The following POLN variants were observed in gnomAD, a reference collection of about 807,000 sequenced individuals.
The protein encoded by POLN is DNA polymerase N.
POLN carries 108 observed loss-of-function variants against 113.5 expected under a neutral mutation model. That is an observed-to-expected ratio of 0.95 (90% CI 0.81 to 1.12). The LOEUF (loss-of-function observed/expected upper bound fraction) is 1.12. Ranked by LOEUF, POLN falls within the 50% of genes most tolerant of loss-of-function variation. The probability of loss-of-function intolerance (pLI) is 0.00; values close to 1 mark genes in which losing one functional copy is unlikely to be tolerated. For synonymous variants in POLN, 386 were observed against 391.5 expected (o/e 0.99, Z 0.17); for missense variants, 1,097 against 1,077.1 (o/e 1.02, Z -0.26).
Position 2,171,172 on chromosome 4 carries a change from T to C in POLN, c.1384A>G (p.Lys462Glu). ...KTSALLGARL[K>E]ELEQEAHFVA... ...AAATGAGCTTCTTGCTCCAATTCCT[T>C]GAGACGAGCCTGAAAATATGATACA... Residue 462 changes from lysine (K) to glutamate (E), a missense_variant, in exon 12 of 26, where the codon AAG becomes GAG. Physicochemically the swap from Lys to Glu is moderately conservative, Grantham distance 56. Coordinates refer to ENST00000511885, the MANE Select transcript of POLN (RefSeq NM_181808.4). 2 of 1,612,946 alleles carry C rather than the reference T, an allele frequency of 1.2e-6. No individual in the cohort carries two copies. Among genetic ancestry groups the C allele is most frequent in the Non-Finnish European group, 1.7e-6 (2 of 1,179,458 alleles).
At chr4:2,157,784 A>G in intron 15 of POLN, 74 bp downstream of exon 15, 1 of 834,564 alleles carries the variant, frequency 1.2e-6, no homozygotes, top group Non-Finnish European at 1.8e-6. Flanking sequence ...TAAAATTACA[A>G]AGGTTCTATA....
chr4:2,093,738 C>G lies in POLN; in HGVS notation c.2065+2113G>C, dbSNP rs958645785. 6.6e-6 allele frequency among the ~76,000 whole-genome samples: 1 copy of G among 152,166 alleles called. No homozygotes were observed. Among genetic ancestry groups the G allele is most frequent in the East Asian group, 1.9e-4 (1 of 5,192 alleles). On this transcript the variant is annotated intron_variant, in intron 20 of 25. Coordinates refer to ENST00000511885, the MANE Select transcript of POLN (RefSeq NM_181808.4). The surrounding 1 kb of genome is among the most constrained non-coding windows in gnomAD (Gnocchi z 4.1). ...AGAGGAGGCAGTGGACCAAGCAACT[C>G]TGAGGAGAATCAATCCAATGTCACA... is the stretch of plus-strand genomic sequence containing the variant.
intron 13 of POLN, among the ~76,000 whole-genome samples, chr4:2,166,446 TATA>T (rs1240254208): frequency 6.6e-6 from 1 of 152,184 alleles, no homozygotes; most frequent in Non-Finnish European, 1.5e-5. Flanking sequence ...GGATGGTTCT[TATA>T]ATATCTAATT....
intron 9 of POLN, among the ~76,000 whole-genome samples, chr4:2,175,214 C>A (rs893929925): frequency 1.3e-5 from 2 of 152,156 alleles, no homozygotes; most frequent in Middle Eastern, 3.2e-3. Flanking sequence ...CTCTTACTTG[C>A]TCTTCCTAAT....
intron 20 of POLN, chr4:2,089,300 A>G (rs1368413346): frequency 5.0e-6 from 7 of 1,400,632 alleles, no homozygotes; most frequent in South Asian, 2.5e-5. Flanking sequence ...GGAAATGCCA[A>G]TGACAACATA....
chr4:2,198,652 G>A lies in POLN; in HGVS notation c.780C>T (p.Gly260=). 6.2e-7 allele frequency: 1 copy of A among 1,613,728 alleles called. No individual in the cohort carries two copies. The highest frequency in any genetic ancestry group is 1.1e-5 in the South Asian group (1 of 91,024). Residue 260 remains glycine (G), a synonymous_variant, in exon 6 of 26, where the codon GGC becomes GGT. Transcript: ENST00000511885. ...GACCACAGGCCGGGGCATCTGGACA[G>A]CCATGGCCACCCTCTGCTTGGCGTT... ...LVKRQAEGGH[G]CPDAPACGPV...
chr4:2,108,495 T>C (rs942334425), intron 19 of POLN, among the ~76,000 whole-genome samples: 1 of 152,142 alleles, frequency 6.6e-6, no homozygotes, highest in African/African-American at 2.4e-5. Flanking sequence ...AGGGAGAGAA[T>C]GCTCCTGGGT....
At chr4:2,240,242 T>C (rs772770287) in intron 2 of POLN, 2 of 1,613,626 alleles carry the variant, frequency 1.2e-6, no homozygotes, top group Admixed American at 3.3e-5. Flanking sequence ...GAAAATTGTC[T>C]TCATTTGAAC....
At position 2,099,531 on chromosome 4, in the gene POLN, G is replaced by A. The variant is rs538587618; in HGVS notation, c.1983-3598C>T. Among the ~76,000 whole-genome samples, 5 of 152,332 alleles carry A rather than the reference G, an allele frequency of 3.3e-5. No individual in the cohort carries two copies. The East Asian group carries it at 5.8e-4, about 18-fold the overall frequency. ...CCTCCTCAAAACTGTCAGGGTCATTGAAAACAGGGCAAGTCCAAGAAAGTG... is the reference window on the plus strand; with the variant it reads ...CCTCCTCAAAACTGTCAGGGTCATTAAAAACAGGGCAAGTCCAAGAAAGTG... On this transcript the variant is annotated intron_variant, in intron 19 of 25. Coordinates refer to ENST00000511885, the MANE Select transcript of POLN (RefSeq NM_181808.4).
intron 6 of POLN, among the ~76,000 whole-genome samples, chr4:2,196,452 C>T (rs1733575056): frequency 6.6e-6 from 1 of 152,108 alleles, no homozygotes; most frequent in African/African-American, 2.4e-5. Context: ...CACGGGACCT[C>T]CTCCAAGATA....
intron 19 of POLN, among the ~76,000 whole-genome samples, chr4:2,116,305 T>A (rs981414413): frequency 6.6e-6 from 1 of 152,158 alleles, no homozygotes; most frequent in African/African-American, 2.4e-5. Context: ...TCTTCCCTCA[T>A]CTATGGAAGA....
chr4:2,174,691 C>G lies in POLN; in HGVS notation c.1309G>C (p.Val437Leu). ...LELPLIPILA[V>L]MESHAIQVNK... ...GTACTTCATCTTTATGGTAACTTAC[C>G]TGCCAAAATTGGTATCAGAGGAAGC... Residue 437 changes from valine (V) to leucine (L), a missense_variant and splice_region_variant, in exon 10 of 26, where the codon GTG (valine) becomes CTG (leucine). Physicochemically the swap from Val to Leu is conservative, Grantham distance 32. Coordinates refer to ENST00000511885, the MANE Select transcript of POLN (RefSeq NM_181808.4). The G allele has an allele frequency of 6.2e-7, 1 of 1,606,342 alleles. No homozygotes were observed. Among genetic ancestry groups the G allele is most frequent in the Non-Finnish European group, 8.5e-7 (1 of 1,173,262 alleles).
chr4:2,085,862 A>T, intron 20 of POLN, 118 bp from the exon 21 acceptor site: 1 of 1,405,452 alleles, frequency 7.1e-7, no homozygotes, highest in Admixed American at 2.0e-5. Context: ...GTTGGGATGG[A>T]GTTGGCGTTG....
Position 2,085,741 on chromosome 4 carries a change from T to C in POLN, c.2069A>G (p.Lys690Arg), listed in dbSNP as rs779424255. 2 of 1,613,582 alleles carry C rather than the reference T, an allele frequency of 1.2e-6. No individual in the cohort carries two copies. The highest frequency in any genetic ancestry group is 1.3e-5 in the African/African-American group (1 of 74,932). ...VVYAVVYGAGKERLAACLGVP... is the reference protein window; with the variant it reads ...VVYAVVYGAGRERLAACLGVP... The stretch of plus-strand genomic sequence containing the variant: ...TCCAAGGCAAGCAGCCAGCCGCTCC[T>C]TCCCTGTCAGTCAGAGAGACGCATG... The change falls in exon 21 of 26, where the codon AAG becomes AGG. Residue 690 changes from lysine (K) to arginine (R), a missense_variant. By Grantham distance (26) the Lys-to-Arg change is conservative (BLOSUM62 2). Coordinates refer to ENST00000511885, the MANE Select transcript of POLN (RefSeq NM_181808.4).
intron 19 of POLN, among the ~76,000 whole-genome samples, chr4:2,103,677 G>A (rs1730982828): frequency 6.6e-6 from 1 of 152,176 alleles, no homozygotes; most frequent in Admixed American, 6.5e-5. Flanking sequence ...TAAAGTGAAA[G>A]TTAAAAAGCA....
chr4:2,131,164 G>A (rs376625686), intron 17 of POLN, 69 bp downstream of exon 17: 9 of 1,149,798 alleles, frequency 7.8e-6, no homozygotes, highest in African/African-American at 1.5e-5. Flanking sequence ...TAGCCTGGGT[G>A]ACAGAGTGAC....
chr4:2,188,629 CAAA>C (rs980833305), intron 7 of POLN, among the ~76,000 whole-genome samples: 4 of 151,288 alleles, frequency 2.6e-5, no homozygotes, highest in African/African-American at 7.3e-5. Context: ...AAAAACAAAA[CAAA>C]ACAAAAAAAA....
At chr4:2,161,603 T>C (rs973176155) in intron 13 of POLN, among the ~76,000 whole-genome samples, 2 of 152,208 alleles carry the variant, frequency 1.3e-5, no homozygotes, top group Non-Finnish European at 2.9e-5. Flanking sequence ...CGCCGCCCCC[T>C]GCTCCATGGC....
At chr4:2,212,920 G>T in intron 4 of POLN, 127 bp downstream of exon 4, 1 of 522,678 alleles carries the variant, frequency 1.9e-6, no homozygotes, top group Non-Finnish European at 3.1e-6. Flanking sequence ...TGGAGAGCAA[G>T]AACGCCTCTT....
Sources: gnomAD v4.1 joint callset for allele counts (sites outside exome capture counted in the v4.1 genomes callset) on GRCh38, gnomAD v4.1.1 for gene constraint, Gnocchi (gnomAD v3.1) non-coding constraint, MANE v1.5 for transcripts, NCBI Gene and HGNC (gene_info 2026-07-23, HGNC 2026-07-21) for gene names.